ADAMTS20: variants seen among roughly 807,000 people sequenced by gnomAD.
The protein encoded by ADAMTS20 is A disintegrin and metalloproteinase with thrombospondin motifs 20.
Under a neutral mutation model 260.1 loss-of-function variants are expected in ADAMTS20, and 225 were observed. The ratio of observed to expected loss-of-function variants is 0.87; its 90% CI spans 0.78 to 0.97. ADAMTS20 has a LOEUF of 0.97. Ranked by LOEUF, ADAMTS20 falls within the 50% of genes least tolerant of loss-of-function variation. The pLI is 0.00. For synonymous variants in ADAMTS20, 802 were observed against 769.5 expected (o/e 1.04, Z -0.70); for missense variants, 2,400 against 2,337.7 (o/e 1.03, Z -0.55).
chr12:43,443,884 C>G lies in ADAMTS20; in HGVS notation c.2198-1G>C, dbSNP rs1202419762. The G allele has an allele frequency of 8.7e-6, 14 of 1,611,174 alleles. No individual in the cohort carries two copies. The highest frequency in any genetic ancestry group is 1.2e-5 in the Non-Finnish European group (14 of 1,177,760). ...GGAATCTTTACAACAACATTATAAC[C>G]TGCAATATAATTTTACATATGTTAA... On this transcript the variant is annotated splice_acceptor_variant, in intron 15 of 38. Transcript: ENST00000389420. LOFTEE classifies it high-confidence loss of function.
intron 28 of ADAMTS20, among the ~76,000 whole-genome samples, chr12:43,405,379 C>A (rs987241042): frequency 2.8e-4 from 41 of 147,518 alleles, no homozygotes; most frequent in African/African-American, 9.2e-4. Context: ...GATCACCCCA[C>A]TGCACTGCAG....
In ADAMTS20 at chr12:43,396,111, G is replaced by C. The variant is rs147923265; in HGVS notation, c.4452+2955C>G. Reference sequence around the variant, plus strand: ...TTCAATTATTTAATTTGCATCTAAGGATATACATTTGAACATAGAGGACAA... The same window carrying C: ...TTCAATTATTTAATTTGCATCTAAGCATATACATTTGAACATAGAGGACAA... On this transcript the variant is annotated intron_variant, in intron 29 of 38. Coordinates refer to ENST00000389420, the MANE Select transcript of ADAMTS20 (RefSeq NM_025003.5). Among the ~76,000 whole-genome samples, 691 of 151,890 alleles carry C rather than the reference G, an allele frequency of 4.5e-3. 6 individuals carry two copies. Among genetic ancestry groups the C allele is most frequent in the African/African-American group, 0.016 (662 of 41,446 alleles).
chr12:43,499,185 C>T (rs987253490), intron 4 of ADAMTS20, among the ~76,000 whole-genome samples: 1 of 152,194 alleles, frequency 6.6e-6, no homozygotes, highest in African/African-American at 2.4e-5. Context: ...ACACCTTTTC[C>T]TCAACTTTGC....
chr12:43,520,351 A>C (rs1020760892), intron 3 of ADAMTS20, among the ~76,000 whole-genome samples: 2 of 152,192 alleles, frequency 1.3e-5, no homozygotes, highest in Non-Finnish European at 2.9e-5. Context: ...CATAATCTAA[A>C]TTAAAACATA....
At chr12:43,387,971 G>T (rs1234494384) in intron 29 of ADAMTS20, among the ~76,000 whole-genome samples, 3 of 152,240 alleles carry the variant, frequency 2.0e-5, no homozygotes, top group Admixed American at 6.5e-5. Context: ...CGGACTCCAT[G>T]GGGTGGGATC....
intron 16 of ADAMTS20, 135 bp downstream of exon 16, chr12:43,443,656 C>T (rs939143294): frequency 1.4e-5 from 9 of 623,932 alleles, no homozygotes; most frequent in East Asian, 2.6e-5. Flanking sequence ...GTATAGGGAG[C>T]GCTAAGCTCA....
chr12:43,380,004 A>G (rs1248706006), intron 31 of ADAMTS20, among the ~76,000 whole-genome samples: 1 of 151,944 alleles, frequency 6.6e-6, no homozygotes, highest in Non-Finnish European at 1.5e-5. Context: ...AAAACTATAG[A>G]CCAGTAGTTC....
chr12:43,460,883 A>G (rs2137369976), intron 11 of ADAMTS20, among the ~76,000 whole-genome samples: 1 of 147,226 alleles, frequency 6.8e-6, no homozygotes, highest in Non-Finnish European at 1.5e-5. Context: ...CAAGAAAAAA[A>G]CGAATCTCTG....
At position 43,363,058 on chromosome 12, in the gene ADAMTS20, A is replaced by G. The variant is rs138328193; in HGVS notation, c.5538+6232T>C. On this transcript the variant is annotated intron_variant, in intron 37 of 38. Coordinates refer to ENST00000389420, the MANE Select transcript of ADAMTS20 (RefSeq NM_025003.5). ...AGAAAAAAAAAAGAATATCTATTAA[A>G]TCTAGGTAAGAACAGTGAGAACCTG... 1.6e-4 allele frequency among the ~76,000 whole-genome samples: 25 copies of G among 152,250 alleles called. No homozygotes were observed. In the East Asian group the frequency reaches 4.3e-3, roughly 26 times the overall value.
rs1218474596 is a variant in ADAMTS20 at position 43,354,504 on chromosome 12, A to G, written c.5644-206T>C. Among the ~76,000 whole-genome samples, 3 of 151,780 alleles carry G rather than the reference A, an allele frequency of 2.0e-5. No individual in the cohort carries two copies. In the East Asian group the frequency reaches 5.8e-4, roughly 29 times the overall value. ...TGGGAAAGTTAAAGGATATTAGATAACCTGAGATTCATATTAGCTAGTTGA... is the reference window on the plus strand; with the variant it reads ...TGGGAAAGTTAAAGGATATTAGATAGCCTGAGATTCATATTAGCTAGTTGA... On this transcript the variant is annotated intron_variant, in intron 38 of 38. Coordinates refer to ENST00000389420, the MANE Select transcript of ADAMTS20 (RefSeq NM_025003.5).
chr12:43,363,217 A>T (rs1209021140), intron 37 of ADAMTS20, among the ~76,000 whole-genome samples: 1 of 151,954 alleles, frequency 6.6e-6, no homozygotes, highest in Non-Finnish European at 1.5e-5. Context: ...ATTTCCCCCT[A>T]GCTCCCTGTT....
intron 37 of ADAMTS20, among the ~76,000 whole-genome samples, chr12:43,368,132 C>T (rs1469004332): frequency 6.6e-6 from 1 of 152,052 alleles, no homozygotes; most frequent in Non-Finnish European, 1.5e-5. Context: ...TCTCCTCCTA[C>T]TCCTAAATAG....
At chr12:43,486,206 T>G (rs1435954344) in intron 7 of ADAMTS20, among the ~76,000 whole-genome samples, 1 of 151,944 alleles carries the variant, frequency 6.6e-6, no homozygotes, top group African/African-American at 2.4e-5. Flanking sequence ...ACCAAAACGG[T>G]ATGGTACTGG....
chr12:43,413,615 T>C (rs975424494), intron 28 of ADAMTS20, among the ~76,000 whole-genome samples: 12 of 152,198 alleles, frequency 7.9e-5, no homozygotes, highest in Admixed American at 2.6e-4. Context: ...TGTTTAAGTA[T>C]TTCAATAATC....
At chr12:43,368,840 C>T (rs367782957) in intron 37 of ADAMTS20, among the ~76,000 whole-genome samples, 12 of 151,666 alleles carry the variant, frequency 7.9e-5, no homozygotes, top group East Asian at 3.9e-4. Context: ...AGGATAAAAG[C>T]GAGAATAAAA....
chr12:43,477,063 A>AC (rs1345576757), intron 7 of ADAMTS20, among the ~76,000 whole-genome samples: 1 of 151,980 alleles, frequency 6.6e-6, no homozygotes, highest in African/African-American at 2.4e-5. Context: ...TAAAAAAAAA[A>AC]AAAAAACAAT....
intron 28 of ADAMTS20, among the ~76,000 whole-genome samples, chr12:43,404,073 T>C (rs1229262436): frequency 2.0e-5 from 3 of 151,992 alleles, no homozygotes; most frequent in African/African-American, 7.2e-5. Context: ...TCTTACAGAA[T>C]TTTTTTAGCA....
intron 29 of ADAMTS20, among the ~76,000 whole-genome samples, chr12:43,387,415 G>A (rs1940503409): frequency 1.3e-5 from 2 of 152,160 alleles, no homozygotes; most frequent in African/African-American, 2.4e-5. Context: ...CCCTGTATGA[G>A]GTGTCTGTTG....
At chr12:43,405,639 T>C (rs960372781) in intron 28 of ADAMTS20, among the ~76,000 whole-genome samples, 2 of 152,010 alleles carry the variant, frequency 1.3e-5, no homozygotes, top group East Asian at 1.9e-4. Context: ...ATTTTAGTCC[T>C]CTATTGTTGT....
Sources: allele counts gnomAD v4.1 joint callset (sites outside exome capture counted in the v4.1 genomes callset), GRCh38; gene constraint gnomAD v4.1.1; transcripts MANE v1.5; gene names NCBI Gene and HGNC (gene_info 2026-07-23, HGNC 2026-07-21).